NR3C2: variants seen among roughly 807,000 people sequenced by gnomAD.
NR3C2 encodes the protein nuclear receptor subfamily 3 group C member 2.
In NR3C2, 15 loss-of-function variants were observed where a neutral mutation model predicts 86.4. That is an observed-to-expected ratio of 0.17 (90% CI 0.12 to 0.27). The LOEUF (loss-of-function observed/expected upper bound fraction) is 0.27, where lower values mean the gene tolerates loss of function less well. Among genes scored for constraint, NR3C2 ranks in the 10% least tolerant of loss-of-function variants. The pLI is 1.00. For synonymous variants in NR3C2, 458 were observed against 450.5 expected (o/e 1.02, Z -0.21); for missense variants, 960 against 1,195.6 (o/e 0.80, Z 2.91).
chr4:148,278,988 C>T (rs1741101925), intron 2 of NR3C2, among the ~76,000 whole-genome samples: 1 of 151,958 alleles, frequency 6.6e-6, no homozygotes, highest in African/African-American at 2.4e-5. Context: ...ATAGTGAAAC[C>T]CCGTCCCTAC....
chr4:148,204,667 ATGGTGCAGAAACAGAACCTC>A, intron 3 of NR3C2, among the ~76,000 whole-genome samples: 1 of 152,340 alleles, frequency 6.6e-6, no homozygotes, highest in South Asian at 2.1e-4. Flanking sequence ...ACAGGACAAA[ATGGTGCAGAAACAGAACCTC>A]TGGAATGCAA....
At chr4:148,319,477 A>C (rs1430242116) in intron 2 of NR3C2, among the ~76,000 whole-genome samples, 2 of 151,210 alleles carry the variant, frequency 1.3e-5, no homozygotes, top group Admixed American at 6.6e-5. Context: ...CAGTATGGCC[A>C]TTTTCACGAT....
chr4:148,417,057 G>A (rs1038210881), intron 2 of NR3C2, among the ~76,000 whole-genome samples: 4 of 152,152 alleles, frequency 2.6e-5, no homozygotes, highest in African/African-American at 7.2e-5. Flanking sequence ...GATTACAGGC[G>A]TGAGCCACCG....
intron 2 of NR3C2, among the ~76,000 whole-genome samples, chr4:148,331,030 C>A (rs1744206214): frequency 6.6e-6 from 1 of 152,140 alleles, no homozygotes; most frequent in African/African-American, 2.4e-5. Flanking sequence ...ACCAATTAAA[C>A]CTCCTTCCTT....
intron 3 of NR3C2, among the ~76,000 whole-genome samples, chr4:148,231,333 A>G (rs1738450087): frequency 1.3e-5 from 2 of 152,188 alleles, no homozygotes; most frequent in Admixed American, 6.5e-5. Context: ...TGAAGATCCA[A>G]TAACAAACAG....
intron 3 of NR3C2, among the ~76,000 whole-genome samples, chr4:148,259,412 G>A (rs1405546485): frequency 2.0e-5 from 3 of 151,660 alleles, no homozygotes; most frequent in Non-Finnish European, 4.4e-5. Flanking sequence ...TAGCCTAACT[G>A]TGCATAGTGA....
intron 3 of NR3C2, among the ~76,000 whole-genome samples, chr4:148,205,124 C>T (rs1736939085): frequency 6.6e-6 from 1 of 152,144 alleles, no homozygotes. Flanking sequence ...CAGGCATAGC[C>T]CAGTTTCTGA....
At chr4:148,348,869 A>G (rs1286602920) in intron 2 of NR3C2, among the ~76,000 whole-genome samples, 1 of 152,064 alleles carries the variant, frequency 6.6e-6, no homozygotes, top group Non-Finnish European at 1.5e-5. Flanking sequence ...CTTACTGCAG[A>G]CATTTTCTTC....
At chr4:148,148,697 C>T (rs1165382978) in intron 6 of NR3C2, among the ~76,000 whole-genome samples, 1 of 152,164 alleles carries the variant, frequency 6.6e-6, no homozygotes, top group Non-Finnish European at 1.5e-5. Context: ...TTAATCATTC[C>T]CAAGGAAGAC....
chr4:148,267,655 C>G (rs188396021), intron 2 of NR3C2, among the ~76,000 whole-genome samples: 2 of 152,160 alleles, frequency 1.3e-5, no homozygotes, highest in Admixed American at 1.3e-4. Context: ...TTCTGGCTCC[C>G]CTGGTGTCTG....
chr4:148,370,770 A>G (rs1746378511), intron 2 of NR3C2, among the ~76,000 whole-genome samples: 1 of 152,200 alleles, frequency 6.6e-6, no homozygotes, highest in Admixed American at 6.5e-5. Context: ...TTTATTTAGG[A>G]AATTACAAAC....
chr4:148,412,045 C>G (rs763727797), intron 2 of NR3C2, among the ~76,000 whole-genome samples: 3 of 152,168 alleles, frequency 2.0e-5, no homozygotes, highest in Non-Finnish European at 4.4e-5. Context: ...TTGTGTCATC[C>G]TGGCCAAGCT....
At chr4:148,226,742 A>G (rs895981104) in intron 3 of NR3C2, among the ~76,000 whole-genome samples, 1 of 152,124 alleles carries the variant, frequency 6.6e-6, no homozygotes, top group Non-Finnish European at 1.5e-5. Context: ...CCTTTCCAAT[A>G]TTTGGTGTTT....
chr4:148,238,620 C>G (rs1162460123), intron 3 of NR3C2, among the ~76,000 whole-genome samples: 1 of 151,994 alleles, frequency 6.6e-6, no homozygotes, highest in Non-Finnish European at 1.5e-5. Context: ...TTGATAAAGA[C>G]AGACATTTAA....
chr4:148,412,968 T>C (rs1454117937), intron 2 of NR3C2, among the ~76,000 whole-genome samples: 1 of 152,234 alleles, frequency 6.6e-6, no homozygotes. Flanking sequence ...TGGCCTTGTA[T>C]TTATTTTCAA....
intron 8 of NR3C2, among the ~76,000 whole-genome samples, chr4:148,106,181 A>C (rs4835482): frequency 0.74 from 112,246 of 152,150 alleles, 41,780 homozygotes; most frequent in African/African-American, 0.8. Flanking sequence ...GATATAAAAT[A>C]AATGTGCAAA....
chr4:148,393,333 G>A (rs1363628103), intron 2 of NR3C2, among the ~76,000 whole-genome samples: 1 of 152,222 alleles, frequency 6.6e-6, no homozygotes, highest in South Asian at 2.1e-4. Context: ...AGAAGCACGT[G>A]CAAAGCTTTG....
At chr4:148,444,153 A>G (rs976427072), upstream of NR3C2, 305 of 985,254 alleles carry the variant, frequency 3.1e-4, no homozygotes, top group Non-Finnish European at 3.6e-4. Flanking sequence ...TCCCGGACCT[A>G]GAGCCTGGGC....
intron 6 of NR3C2, among the ~76,000 whole-genome samples, chr4:148,124,482 G>A (rs1732656641): frequency 1.3e-5 from 2 of 152,100 alleles, no homozygotes; most frequent in African/African-American, 4.8e-5. Flanking sequence ...AAGGTAGCCT[G>A]CATTTTTCTC....
Sources: gnomAD v4.1 joint callset for allele counts (sites outside exome capture counted in the v4.1 genomes callset) on GRCh38, gnomAD v4.1.1 for gene constraint, MANE v1.5 for transcripts, NCBI Gene and HGNC (gene_info 2026-07-23, HGNC 2026-07-21) for gene names.